The following ANKRD12 variants were observed in gnomAD, a reference collection of about 807,000 sequenced individuals.
ANKRD12 encodes the protein ankyrin repeat domain 12, also known as ankyrin repeat domain-containing protein 12.
ANKRD12 carries 85 observed loss-of-function variants against 183.4 expected under a neutral mutation model. The ratio of observed to expected loss-of-function variants is 0.46; its 90% CI spans 0.39 to 0.56. The LOEUF (loss-of-function observed/expected upper bound fraction) is 0.56. ANKRD12 is among the 20% of genes least tolerant of loss of function. The pLI, the probability that ANKRD12 is intolerant of heterozygous loss-of-function variation, is 0.00. For missense variants in ANKRD12, 2,405 were observed against 2,357.1 expected, an observed-to-expected ratio of 1.02 and a Z score of -0.42; for synonymous variants, 914 against 800.2, an observed-to-expected ratio of 1.14 and a Z score of -2.40.
At position 9,282,279 on chromosome 18, in the gene ANKRD12, A is replaced by G. The variant is rs1274855674; in HGVS notation, c.*1153A>G. On this transcript the variant is annotated 3_prime_UTR_variant, in exon 13 of 13. Coordinates refer to ENST00000262126, the MANE Select transcript of ANKRD12 (RefSeq NM_015208.5). ...AAATAAAAACCAAGTATGCAAATCA[A>G]AGATATTTGGTAGTCAAAATAAGTA... The G allele has an allele frequency of 6.6e-6, 1 of 152,604 alleles. No homozygotes were observed. Among genetic ancestry groups the G allele is most frequent in the Non-Finnish European group, 1.5e-5 (1 of 67,988 alleles). 9.5% of individuals were successfully genotyped at this position (152,604 alleles called of 1,614,324 possible). A position where few individuals can be genotyped will look rare whatever the true frequency, so the allele number is the denominator to read the frequency against.
intron 8 of ANKRD12, among the ~76,000 whole-genome samples, chr18:9,247,782 T>TTTTGTTTTG (rs1260833988): frequency 4.0e-5 from 6 of 151,312 alleles, no homozygotes; most frequent in African/African-American, 1.5e-4. Context: ...TTTTGGGGTT[T>TTTTGTTTTG]TTTTGTTTTG....
At chr18:9,244,011 A>G (rs562545594) in intron 8 of ANKRD12, among the ~76,000 whole-genome samples, 1 of 152,172 alleles carries the variant, frequency 6.6e-6, no homozygotes, top group South Asian at 2.1e-4. Flanking sequence ...CCAGGCTACT[A>G]TAATCTCAGC....
chr18:9,259,451 A>G (rs1193565037), intron 9 of ANKRD12: 3 of 148,800 alleles, frequency 2.0e-5, no homozygotes, highest in African/African-American at 5.0e-5. Context: ...ATGTGTTTAC[A>G]ATACATATGC....
At chr18:9,175,464 GA>G (rs1359559773) in intron 1 of ANKRD12, among the ~76,000 whole-genome samples, 1 of 144,988 alleles carries the variant, frequency 6.9e-6, no homozygotes, top group Non-Finnish European at 1.5e-5. Context: ...TTCGTCCACA[GA>G]AATGGTCCCA....
At chr18:9,137,615 T>C (rs1241095335) in intron 1 of ANKRD12, 1 of 151,730 alleles carries the variant, frequency 6.6e-6, no homozygotes, top group Non-Finnish European at 1.5e-5. Context: ...GAGAGGTGGA[T>C]GAAATCAAGA....
chr18:9,204,885 G>T (rs191132262), intron 4 of ANKRD12, among the ~76,000 whole-genome samples: 31 of 152,274 alleles, frequency 2.0e-4, no homozygotes, highest in African/African-American at 7.2e-4. Context: ...AGATCCCCAA[G>T]TGTTTCGTTG....
intron 2 of ANKRD12, among the ~76,000 whole-genome samples, chr18:9,183,661 A>G (rs1004320248): frequency 2.1e-5 from 3 of 144,082 alleles, no homozygotes; most frequent in African/African-American, 4.8e-5. Flanking sequence ...ATCTGTGAAT[A>G]AAGATAATTT....
chr18:9,234,430 C>G (rs1055243831), intron 8 of ANKRD12, among the ~76,000 whole-genome samples: 1 of 152,170 alleles, frequency 6.6e-6, no homozygotes, highest in Non-Finnish European at 1.5e-5. Context: ...GCAGGGAGCT[C>G]TGGGCTCTAG....
intron 6 of ANKRD12, among the ~76,000 whole-genome samples, chr18:9,215,808 C>CA (rs2036066472): frequency 6.6e-6 from 1 of 151,930 alleles, no homozygotes; most frequent in Non-Finnish European, 1.5e-5. Flanking sequence ...GTGGATATGT[C>CA]AAAAAAGGTA....
At chr18:9,234,731 G>A (rs920084573) in intron 8 of ANKRD12, among the ~76,000 whole-genome samples, 3 of 152,138 alleles carry the variant, frequency 2.0e-5, no homozygotes, top group South Asian at 2.1e-4. Flanking sequence ...TACCAGAGGC[G>A]GGGAAAGGGG....
intron 1 of ANKRD12, among the ~76,000 whole-genome samples, chr18:9,167,201 C>G (rs565507944): frequency 1.3e-5 from 2 of 152,258 alleles, no homozygotes; most frequent in African/African-American, 4.8e-5. Context: ...GCAATGCGGG[C>G]TCTTTTTTGG....
At chr18:9,159,049 T>C (rs1405120936) in intron 1 of ANKRD12, among the ~76,000 whole-genome samples, 1 of 152,218 alleles carries the variant, frequency 6.6e-6, no homozygotes, top group African/African-American at 2.4e-5. Flanking sequence ...GAGTACTTCC[T>C]TTCTGGGAGT....
At position 9,216,877 on chromosome 18, in the gene ANKRD12, T is replaced by G. The variant is rs1467660108; in HGVS notation, c.772T>G (p.Ser258Ala). 2 of 1,613,382 alleles carry G rather than the reference T, an allele frequency of 1.2e-6. No individual in the cohort carries two copies. The highest frequency in any genetic ancestry group is 1.7e-5 in the Admixed American group (1 of 59,892). The change falls in exon 7 of 13, where the codon TCT becomes GCT. Residue 258 changes from serine to alanine, a missense_variant. Ser to Ala is a moderately conservative substitution (Grantham distance 99, BLOSUM62 1). This residue lies in a region of ANKRD12 where 40 missense variants were observed against 54.2 expected (regional missense o/e 0.74). Transcript: ENST00000262126. ...GLDDDTPLHDSASSGHRDIVK... is the reference protein window; with the variant it reads ...GLDDDTPLHDAASSGHRDIVK... ...AGATGATGACACTCCACTCCATGATTCTGCTAGTAGTGGGCACAGAGATGT... is the reference window on the plus strand; with the variant it reads ...AGATGATGACACTCCACTCCATGATGCTGCTAGTAGTGGGCACAGAGATGT...
intron 1 of ANKRD12, chr18:9,137,581 G>T (rs2143199836): frequency 6.6e-6 from 1 of 150,656 alleles, no homozygotes; most frequent in South Asian, 2.1e-4. Context: ...CGGGCCGGGA[G>T]CGTCGGAGGT....
rs2036409213 is a variant in ANKRD12, at chr18:9,221,317, G to A, written c.796-535G>A. 2.0e-5 allele frequency among the ~76,000 whole-genome samples: 3 copies of A among 152,120 alleles called. No individual in the cohort carries two copies. The South Asian group carries it at 6.2e-4, about 32-fold the overall frequency. ...TTAGATACAGCATCCTTCTGTAAAG[G>A]ACCCATGAAAGTGAAGGGTCTTGAA... is the stretch of plus-strand genomic sequence containing the variant. On this transcript the variant is annotated intron_variant, in intron 7 of 12. Coordinates refer to ENST00000262126, the MANE Select transcript of ANKRD12 (RefSeq NM_015208.5).
intron 1 of ANKRD12, among the ~76,000 whole-genome samples, chr18:9,176,679 T>G: frequency 6.6e-6 from 1 of 152,222 alleles, no homozygotes; most frequent in East Asian, 1.9e-4. Context: ...ATGTTTAGTT[T>G]ACACTAGAGT....
At chr18:9,157,683 A>C (rs1382982811) in intron 1 of ANKRD12, among the ~76,000 whole-genome samples, 1 of 147,702 alleles carries the variant, frequency 6.8e-6, no homozygotes, top group Non-Finnish European at 1.5e-5. Flanking sequence ...ACTCACTGCA[A>C]CCTCTGCCTC....
chr18:9,207,095 C>T (rs2035530804), intron 4 of ANKRD12, among the ~76,000 whole-genome samples: 1 of 151,894 alleles, frequency 6.6e-6, no homozygotes, highest in African/African-American at 2.4e-5. Context: ...ACTATTAAAA[C>T]AACAACACTT....
rs1239851878 is a variant in ANKRD12 at position 9,285,155 on chromosome 18, G to A, written c.*4029G>A. 6 of 151,242 alleles carry A rather than the reference G, an allele frequency of 4.0e-5. No homozygotes were observed. The highest frequency in any genetic ancestry group is 3.3e-4 in the Admixed American group (5 of 15,174). 9.4% of individuals were successfully genotyped at this position (151,242 alleles called of 1,614,324 possible). A position where few individuals can be genotyped will look rare whatever the true frequency, so the allele number is the denominator to read the frequency against. ...GCCTGGGAGGCGGAGCTTGCAGTGAGCCGAGATCGTGCCACTGCACTCCAG... is the reference window on the plus strand; with the variant it reads ...GCCTGGGAGGCGGAGCTTGCAGTGAACCGAGATCGTGCCACTGCACTCCAG... On this transcript the variant is annotated 3_prime_UTR_variant, in exon 13 of 13. Transcript: ENST00000262126.
Sources: allele counts gnomAD v4.1 joint callset (sites outside exome capture counted in the v4.1 genomes callset), GRCh38; gene constraint gnomAD v4.1.1; regional missense constraint gnomAD v4.1.1; transcripts MANE v1.5; gene names NCBI Gene and HGNC (gene_info 2026-07-23, HGNC 2026-07-21).